The following CDH18 variants were observed in gnomAD, a reference collection of about 807,000 sequenced individuals.
CDH18 encodes the protein cadherin-18.
In CDH18, 31 loss-of-function variants were observed where a neutral mutation model predicts 67.9. That is an observed-to-expected ratio of 0.46 (90% CI 0.34 to 0.62). CDH18 has a LOEUF of 0.62. Among genes scored for constraint, CDH18 ranks in the 20% least tolerant of loss-of-function variants. CDH18 has a pLI of 0.01. For missense variants in CDH18, 890 were observed against 975.5 expected (o/e 0.91, Z 1.17); for synonymous variants, 362 against 347.2 (o/e 1.04, Z -0.48).
At chr5:20,128,730 T>C (rs1749027653) in intron 2 of CDH18, among the ~76,000 whole-genome samples, 4 of 152,142 alleles carry the variant, frequency 2.6e-5, no homozygotes, top group Admixed American at 2.6e-4. Context: ...TAAGTTTTGT[T>C]AGTGATTGCT....
chr5:19,861,726 A>G (rs1415082755), intron 2 of CDH18, among the ~76,000 whole-genome samples: 1 of 152,162 alleles, frequency 6.6e-6, no homozygotes, highest in Non-Finnish European at 1.5e-5. Flanking sequence ...TGATTCAAAG[A>G]TGGCTCCAAT....
intron 2 of CDH18, among the ~76,000 whole-genome samples, chr5:20,030,538 T>G (rs1739306346): frequency 1.3e-5 from 2 of 152,158 alleles, no homozygotes; most frequent in Non-Finnish European, 2.9e-5. Context: ...ATGCCATTAT[T>G]GGCCATGATA....
intron 2 of CDH18, among the ~76,000 whole-genome samples, chr5:20,106,265 C>T (rs899235735): frequency 7.9e-5 from 12 of 152,126 alleles, no homozygotes; most frequent in African/African-American, 1.9e-4. Context: ...TTGTCCCTTC[C>T]GACTTAGGGG....
chr5:20,074,164 T>C (rs1017991364), intron 2 of CDH18, among the ~76,000 whole-genome samples: 1 of 152,134 alleles, frequency 6.6e-6, no homozygotes, highest in Non-Finnish European at 1.5e-5. Context: ...AGTATAATAA[T>C]GATAATAATA....
At chr5:19,785,679 A>AATATATAT (rs869169879) in intron 3 of CDH18, among the ~76,000 whole-genome samples, 4 of 28,152 alleles carry the variant, frequency 1.4e-4, no homozygotes, top group Non-Finnish European at 2.4e-4. Flanking sequence ...AAAAAAAAAA[A>AATATATAT]ATATATATAT....
At chr5:20,538,894 AAC>A (rs1756874311) in intron 1 of CDH18, among the ~76,000 whole-genome samples, 1 of 115,284 alleles carries the variant, frequency 8.7e-6, no homozygotes, top group Non-Finnish European at 1.8e-5. Context: ...CCACATAGCC[AAC>A]TGTTTTTTTT....
intron 2 of CDH18, among the ~76,000 whole-genome samples, chr5:20,148,692 G>T (rs1750861398): frequency 6.6e-6 from 1 of 152,020 alleles, no homozygotes; most frequent in East Asian, 1.9e-4. Flanking sequence ...CCATAGAAGT[G>T]GGTCTTGGTC....
chr5:20,557,110 T>G (rs1757947786), intron 1 of CDH18, among the ~76,000 whole-genome samples: 1 of 152,146 alleles, frequency 6.6e-6, no homozygotes, highest in Admixed American at 6.5e-5. Context: ...TGTTCATATG[T>G]CTGATAGTAA....
chr5:19,927,150 A>G (rs1217867149), intron 2 of CDH18, among the ~76,000 whole-genome samples: 1 of 152,158 alleles, frequency 6.6e-6, no homozygotes, highest in Non-Finnish European at 1.5e-5. Context: ...CTTACAATAT[A>G]GTCAATAACT....
chr5:20,240,878 A>G (rs1039157396), intron 2 of CDH18, among the ~76,000 whole-genome samples: 1 of 152,216 alleles, frequency 6.6e-6, no homozygotes, highest in Non-Finnish European at 1.5e-5. Context: ...CCACCTTAGG[A>G]AGAGAAATGT....
intron 4 of CDH18, among the ~76,000 whole-genome samples, chr5:19,744,248 C>T (rs1247345338): frequency 3.9e-5 from 6 of 152,158 alleles, no homozygotes; most frequent in African/African-American, 1.4e-4. Context: ...CTGTCTTGTT[C>T]TTTTTCTCTA....
At chr5:20,178,950 T>C (rs961752044) in intron 2 of CDH18, among the ~76,000 whole-genome samples, 13 of 151,900 alleles carry the variant, frequency 8.6e-5, no homozygotes, top group African/African-American at 3.1e-4. Flanking sequence ...CAAGAGGGAG[T>C]TGACAGTCAC....
chr5:20,064,032 T>A (rs1741366652), intron 2 of CDH18, among the ~76,000 whole-genome samples: 1 of 152,210 alleles, frequency 6.6e-6, no homozygotes, highest in Admixed American at 6.5e-5. Flanking sequence ...TTGTTCCTTA[T>A]GTTGTATTGT....
intron 5 of CDH18, among the ~76,000 whole-genome samples, chr5:19,648,376 C>G (rs890103270): frequency 2.6e-5 from 4 of 152,024 alleles, no homozygotes; most frequent in Non-Finnish European, 5.9e-5. Flanking sequence ...GATCATGCCA[C>G]TGCACTCCAG....
intron 2 of CDH18, among the ~76,000 whole-genome samples, chr5:19,941,401 G>A (rs1178006585): frequency 1.3e-5 from 2 of 152,022 alleles, no homozygotes; most frequent in Non-Finnish European, 2.9e-5. Flanking sequence ...GCACATGTTT[G>A]GTTGAGACGG....
intron 2 of CDH18, among the ~76,000 whole-genome samples, chr5:20,200,181 T>C (rs1739335764): frequency 6.6e-6 from 1 of 152,222 alleles, no homozygotes; most frequent in Admixed American, 6.5e-5. Context: ...TATTATCCTT[T>C]TTGTACTTTT....
intron 12 of CDH18, among the ~76,000 whole-genome samples, chr5:19,477,387 T>C (rs1270847010): frequency 6.6e-6 from 1 of 151,298 alleles, no homozygotes; most frequent in Non-Finnish European, 1.5e-5. Flanking sequence ...TAAACAATTA[T>C]CATGTGGACA....
chr5:20,184,297 G>C (rs1737924893), intron 2 of CDH18, among the ~76,000 whole-genome samples: 1 of 152,046 alleles, frequency 6.6e-6, no homozygotes, highest in Non-Finnish European at 1.5e-5. Context: ...CAAATCAGCA[G>C]CAGTACTATT....
At chr5:20,533,405 A>C (rs12188294) in intron 1 of CDH18, among the ~76,000 whole-genome samples, 28,806 of 152,128 alleles carry the variant, frequency 0.19, 3,078 homozygotes, top group East Asian at 0.39. Flanking sequence ...TTATTTCTAT[A>C]CTTGAAAATC....
Sources: gnomAD v4.1 joint callset for allele counts (sites outside exome capture counted in the v4.1 genomes callset) on GRCh38, gnomAD v4.1.1 for gene constraint, MANE v1.5 for transcripts, NCBI Gene and HGNC (gene_info 2026-07-23, HGNC 2026-07-21) for gene names.